Variants in UMODL1 observed in about 807,000 individuals in gnomAD.
UMODL1 encodes the protein uromodulin-like 1.
UMODL1 carries 128 observed loss-of-function variants against 136.3 expected under a neutral mutation model. The ratio of observed to expected loss-of-function variants is 0.94; its 90% confidence interval spans 0.81 to 1.09. The LOEUF is 1.09. Among genes scored for constraint, UMODL1 ranks in the 50% least tolerant of loss-of-function variants. The pLI, the probability that UMODL1 is intolerant of heterozygous loss-of-function variation, is 0.00. For missense variants in UMODL1, 1,766 were observed against 1,725.6 expected, an observed-to-expected ratio of 1.02 and a Z score of -0.41; for synonymous variants, 721 against 720.0, an observed-to-expected ratio of 1.00 and a Z score of -0.02.
chr21:42,123,255 G>A lies in UMODL1; in HGVS notation c.3147+105G>A, dbSNP rs2067004629. On this transcript the variant is annotated intron_variant, in intron 17 of 22. Transcript: ENST00000408910. This position sits in a 1 kb window ranked among gnomAD's most constrained non-coding sequence, Gnocchi z 4.4. Reference sequence around the variant, plus strand: ...GCCAGGCAAGACTCTGCACCCCGAGGGGAACCCAGCAAGGGGGGTTCAGGA... The same window carrying A: ...GCCAGGCAAGACTCTGCACCCCGAGAGGAACCCAGCAAGGGGGGTTCAGGA... 2 of 1,330,548 alleles carry A rather than the reference G, an allele frequency of 1.5e-6. No homozygotes were observed. Among genetic ancestry groups the A allele is most frequent in the African/African-American group, 1.5e-5 (1 of 68,236 alleles). The allele number at this position is 1,330,548 out of a possible 1,614,324, so 82.4% of individuals were successfully genotyped here.
chr21:42,111,396 A>G lies in UMODL1; in HGVS notation c.1900-110A>G, dbSNP rs371922985. On this transcript the variant is annotated intron_variant, in intron 11 of 22. Transcript: ENST00000408910. The stretch of plus-strand genomic sequence containing the variant: ...AGCACCAGCCAGGCGAGCCCCAGCC[A>G]TAGGAACACTATCGGGGTGATAGGC... 2.4e-5 allele frequency: 38 copies of G among 1,613,224 alleles called. No homozygotes were observed. The African/African-American group carries it at 4.0e-4, about 17-fold the overall frequency.
chr21:42,134,772 G>A (rs2067181655), intron 21 of UMODL1, among the ~76,000 whole-genome samples: 1 of 135,938 alleles, frequency 7.4e-6, no homozygotes, highest in Non-Finnish European at 1.6e-5. Context: ...GCACTACCAA[G>A]TCTGGCTATT....
At chr21:42,065,790 C>A (rs2066178540) in intron 1 of UMODL1, among the ~76,000 whole-genome samples, 1 of 152,112 alleles carries the variant, frequency 6.6e-6, no homozygotes, top group African/African-American at 2.4e-5. Flanking sequence ...CCTCAGCCTC[C>A]CAAAGTGTTG....
upstream of UMODL1, among the ~76,000 whole-genome samples, chr21:42,069,532 G>A (rs1011094520): frequency 4.6e-5 from 7 of 152,238 alleles, no homozygotes; most frequent in South Asian, 1.2e-3. Flanking sequence ...AAGAACTGCG[G>A]CTTGAGGCTT....
intron 22 of UMODL1, among the ~76,000 whole-genome samples, chr21:42,141,892 C>G (rs376565112): frequency 6.6e-6 from 1 of 152,230 alleles, no homozygotes; most frequent in South Asian, 2.1e-4. Context: ...TGAGGGCAGG[C>G]ACAGCCCCAT....
intron 2 of UMODL1, among the ~76,000 whole-genome samples, chr21:42,079,530 C>A (rs576915650): frequency 3.3e-5 from 5 of 152,266 alleles, no homozygotes; most frequent in South Asian, 2.1e-4. Flanking sequence ...GGCCCTGAGC[C>A]CCTCAGTAAT....
rs377730740 is a variant in UMODL1, at chr21:42,126,482, G to A, written c.3285G>A (p.Leu1095=). 4 of 1,614,228 alleles carry A rather than the reference G, an allele frequency of 2.5e-6. No homozygotes were observed. Among genetic ancestry groups the A allele is most frequent in the Non-Finnish European group, 3.4e-6 (4 of 1,180,038 alleles). Residue 1095 remains leucine (L), a synonymous_variant, in exon 18 of 23, where the codon CTG becomes CTA. Coordinates refer to ENST00000408910, the MANE Select transcript of UMODL1 (RefSeq NM_001004416.3). ...TGCTGACATCCTCCGGCTTCACCCT[G>A]GAGTGGGGGTAAGGGAGAAATGCCC... ...NDLLTSSGFT[L]EWGVYTIIED...
intron 17 of UMODL1, among the ~76,000 whole-genome samples, chr21:42,124,189 G>C (rs958863874): frequency 6.6e-6 from 1 of 152,226 alleles, no homozygotes; most frequent in African/African-American, 2.4e-5. Context: ...GAGCACAAAG[G>C]CTTCGTGTTC....
intron 22 of UMODL1, among the ~76,000 whole-genome samples, chr21:42,139,566 T>C (rs2067251513): frequency 1.3e-5 from 2 of 151,578 alleles, no homozygotes; most frequent in Admixed American, 1.3e-4. Flanking sequence ...GCCCACCCTC[T>C]CAGCCAACAG....
At position 42,126,330 on chromosome 21, in the gene UMODL1, C is replaced by G; in HGVS notation, c.3148-15C>G. On this transcript the variant is annotated splice_polypyrimidine_tract_variant and intron_variant, in intron 17 of 22. Transcript: ENST00000408910. The stretch of plus-strand genomic sequence containing the variant: ...CTGGGGCCTGGGAGCTCCTCATGCT[C>G]CGCTTTGTGCTCAGAACATGACGAA... 6.2e-7 allele frequency: 1 copy of G among 1,613,714 alleles called. No homozygotes were observed. The highest frequency in any genetic ancestry group is 8.5e-7 in the Non-Finnish European group (1 of 1,179,866).
chr21:42,098,087 C>T (rs945483564), intron 6 of UMODL1, among the ~76,000 whole-genome samples: 3 of 152,230 alleles, frequency 2.0e-5, no homozygotes, highest in Non-Finnish European at 2.9e-5. Context: ...GCTGGCAAGG[C>T]AGTATTTGTA....
intron 4 of UMODL1, 40 bp from the exon 5 acceptor site, chr21:42,088,254 T>C (rs1029747932): frequency 3.1e-6 from 5 of 1,591,108 alleles, no homozygotes; most frequent in Non-Finnish European, 3.4e-6. Flanking sequence ...TCTGACGGGG[T>C]GTCCTTCTGC....
rs1464760834 is a variant in UMODL1, at chr21:42,085,380, C to T, written c.571C>T (p.Leu191Phe). The T allele has an allele frequency of 1.2e-6, 2 of 1,614,108 alleles. No individual in the cohort carries two copies. Among genetic ancestry groups the T allele is most frequent in the Non-Finnish European group, 1.7e-6 (2 of 1,180,006 alleles). The change falls in exon 4 of 23, where the codon CTC becomes TTC. Residue 191 changes from leucine (L) to phenylalanine (F), a missense_variant. Leu to Phe is a conservative substitution (Grantham distance 22). Transcript: ENST00000408910. This position sits in a 1 kb window ranked among gnomAD's most constrained non-coding sequence, Gnocchi z 4.5. ...FKELQQVDPR[L>F]LNHMRLLHSL... ...GGAACTCCAGCAAGTGGACCCCAGG[C>T]TCCTGAACCACATGCGCCTTCTGCA... is the stretch of plus-strand genomic sequence containing the variant.
chr21:42,071,179 C>A (rs1601167470), upstream of UMODL1: 2 of 887,220 alleles, frequency 2.3e-6, no homozygotes, highest in Non-Finnish European at 3.1e-6. Context: ...GAAGTCATTG[C>A]CACCTGCAGC....
At chr21:42,138,325 G>A (rs570421726) in intron 22 of UMODL1, among the ~76,000 whole-genome samples, 4 of 152,274 alleles carry the variant, frequency 2.6e-5, no homozygotes, top group South Asian at 2.1e-4. Flanking sequence ...CCTGGTGCTC[G>A]TAGGGATTGT....
intron 14 of UMODL1, 76 bp from the exon 15 acceptor site, chr21:42,119,035 A>T: frequency 6.7e-7 from 1 of 1,485,700 alleles, no homozygotes; most frequent in Non-Finnish European, 9.2e-7. Context: ...GCAGACTGGC[A>T]GGAGGAACCG....
chr21:42,074,829 A>G (rs1168577057), intron 1 of UMODL1, among the ~76,000 whole-genome samples: 1 of 152,052 alleles, frequency 6.6e-6, no homozygotes, highest in Non-Finnish European at 1.5e-5. Context: ...GGTTCAAGCA[A>G]TTCTCCTGCC....
chr21:42,126,962 G>T, intron 18 of UMODL1, 44 bp from the exon 19 acceptor site: 2 of 1,505,214 alleles, frequency 1.3e-6, no homozygotes, highest in Non-Finnish European at 1.8e-6. Context: ...CCACGATAAT[G>T]CGCCTCCTGA....
At position 42,142,238 on chromosome 21, in the gene UMODL1, G is replaced by A. The variant is rs1047360912; in HGVS notation, c.*164G>A. The A allele has an allele frequency of 3.3e-5, 5 of 152,246 alleles. No homozygotes were observed. The highest frequency in any genetic ancestry group is 4.8e-5 in the African/African-American group (2 of 41,448). 9.4% of individuals were successfully genotyped at this position (152,246 alleles called of 1,614,324 possible). On this transcript the variant is annotated 3_prime_UTR_variant, in exon 23 of 23. Coordinates refer to ENST00000408910, the MANE Select transcript of UMODL1 (RefSeq NM_001004416.3). ...AACGGAGGTCTGCTCTGACGGGTGG[G>A]CTCTGCCAGAGCCCGGGTGAGCCCA...
Sources: gnomAD v4.1 joint callset for allele counts (sites outside exome capture counted in the v4.1 genomes callset) on GRCh38, gnomAD v4.1.1 for gene constraint, Gnocchi (gnomAD v3.1) non-coding constraint, MANE v1.5 for transcripts, NCBI Gene and HGNC (gene_info 2026-07-23, HGNC 2026-07-21) for gene names.